The following ZNF334 variants were observed in gnomAD, a reference collection of about 807,000 sequenced individuals.
ZNF334 encodes the protein zinc finger protein 334.
ZNF334 carries 14 observed loss-of-function variants against 12.4 expected under a neutral mutation model. That is an observed-to-expected ratio of 1.13 (90% CI 0.74 to 1.76). The LOEUF is 1.76. Ranked by LOEUF, ZNF334 falls within the 40% of genes most tolerant of loss-of-function variation. The pLI, the probability that ZNF334 is intolerant of heterozygous loss-of-function variation, is 0.00. For missense variants in ZNF334, 797 were observed against 804.5 expected, an observed-to-expected ratio of 0.99 and a Z score of 0.11; for synonymous variants, 273 against 269.6, an observed-to-expected ratio of 1.01 and a Z score of -0.12.
rs542140245 is a variant in ZNF334 at position 46,513,235 on chromosome 20, C to A, written c.-734G>T. The A allele has an allele frequency of 6.6e-6, 1 of 152,384 alleles. No homozygotes were observed. The highest frequency in any genetic ancestry group is 2.4e-5 in the African/African-American group (1 of 41,592). The allele number at this position is 152,384 out of a possible 1,614,324, so 9.4% of individuals were successfully genotyped here. A position where few individuals can be genotyped will look rare whatever the true frequency, so the allele number is the denominator to read the frequency against. ...GCGTAAACCTTTCACCTTCACCAAG[C>A]GCCTTCTTCGGGCAAATCAGGGCCC... is the stretch of plus-strand genomic sequence containing the variant. On this transcript the variant is annotated 5_prime_UTR_variant, in exon 1 of 5. Coordinates refer to ENST00000692313, the MANE Select transcript of ZNF334 (RefSeq NM_001353824.2).
At chr20:46,473,658 AT>A in the ZNF334 span, among the ~76,000 whole-genome samples, 1 of 152,232 alleles carries the variant, frequency 6.6e-6, no homozygotes, top group Non-Finnish European at 1.5e-5. Context: ...AGAACATATT[AT>A]CTAAATACAG....
chr20:46,504,080 A>G (rs1457327602), intron 4 of ZNF334, 134 bp downstream of exon 4: 5 of 492,794 alleles, frequency 1.0e-5, no homozygotes, highest in African/African-American at 2.0e-5. Flanking sequence ...CAGTTAATCA[A>G]CCTCAATCAC....
At chr20:46,487,861 T>A in the ZNF334 span, among the ~76,000 whole-genome samples, 1 of 152,162 alleles carries the variant, frequency 6.6e-6, no homozygotes, top group Non-Finnish European at 1.5e-5. Flanking sequence ...AATCTCCACC[T>A]TTTCGTTGAG....
downstream of ZNF334, among the ~76,000 whole-genome samples, chr20:46,497,532 A>G (rs1037373500): frequency 1.6e-4 from 24 of 152,262 alleles, no homozygotes; most frequent in African/African-American, 5.1e-4. Flanking sequence ...AACTAATTTC[A>G]TTATTGACTG....
the ZNF334 span, among the ~76,000 whole-genome samples, chr20:46,489,682 A>G: frequency 1.1e-4 from 16 of 151,196 alleles, no homozygotes; most frequent in African/African-American, 2.4e-4. Context: ...ATTAAAAACC[A>G]TATCTTCAAA....
chr20:46,502,977 TTAAG>T lies in ZNF334; in HGVS notation c.358_361del (p.Leu120IlefsTer4), dbSNP rs771366722. 1.2e-6 allele frequency: 2 copies of T among 1,614,072 alleles called. No individual in the cohort carries two copies. The highest frequency in any genetic ancestry group is 1.7e-4 in the Middle Eastern group (1 of 6,058). ...TGAGGGAACACTATTCATGCCCAGA[TTAAG>T]TGTTTTCCCAAATACATTCTCTCTT... On this transcript the variant is annotated frameshift_variant, in exon 5 of 5. Coordinates refer to ENST00000692313, the MANE Select transcript of ZNF334 (RefSeq NM_001353824.2). LOFTEE classifies it low-confidence loss of function (END_TRUNC).
the ZNF334 span, among the ~76,000 whole-genome samples, chr20:46,493,813 C>A: frequency 6.6e-6 from 1 of 152,036 alleles, no homozygotes; most frequent in Non-Finnish European, 1.5e-5. Context: ...GCCTTTAATC[C>A]CAGCTACTAG....
At chr20:46,507,908 A>G (rs1396031748) in intron 2 of ZNF334, among the ~76,000 whole-genome samples, 1 of 152,266 alleles carries the variant, frequency 6.6e-6, no homozygotes, top group Non-Finnish European at 1.5e-5. Context: ...TATAGGCACA[A>G]CAATAGACAT....
At chr20:46,466,944 T>C in the ZNF334 span, among the ~76,000 whole-genome samples, 1 of 152,218 alleles carries the variant, frequency 6.6e-6, no homozygotes, top group Non-Finnish European at 1.5e-5. Context: ...TGGAGGCCAC[T>C]CCACACCAAG....
At chr20:46,464,643 A>T in the ZNF334 span, 1 of 423,894 alleles carries the variant, frequency 2.4e-6, no homozygotes, top group South Asian at 1.9e-5. Flanking sequence ...AGATACACAC[A>T]GTTCTACCCA....
chr20:46,504,489 C>T, intron 3 of ZNF334, 125 bp downstream of exon 3: 1 of 1,311,726 alleles, frequency 7.6e-7, no homozygotes, highest in Non-Finnish European at 1.1e-6. Flanking sequence ...CTTCTACTGT[C>T]TAAAAGGGTT....
the ZNF334 span, among the ~76,000 whole-genome samples, chr20:46,468,297 A>G: frequency 6.7e-6 from 1 of 148,676 alleles, no homozygotes. Context: ...TTTTTTTGAG[A>G]CGGAGTCTCG....
chr20:46,490,532 T>C, the ZNF334 span, among the ~76,000 whole-genome samples: 3 of 152,250 alleles, frequency 2.0e-5, no homozygotes, highest in African/African-American at 7.2e-5. Context: ...TTAGGTTCTT[T>C]AAGCTTTTCT....
chr20:46,480,335 C>A, the ZNF334 span, among the ~76,000 whole-genome samples: 1 of 152,114 alleles, frequency 6.6e-6, no homozygotes, highest in Non-Finnish European at 1.5e-5. Flanking sequence ...CTGGGACAAG[C>A]AGCACACACT....
chr20:46,485,714 C>T, the ZNF334 span: 1 of 152,000 alleles, frequency 6.6e-6, no homozygotes, highest in South Asian at 2.1e-4. Context: ...TGATGAATTT[C>T]GGTCTGGAGT....
At chr20:46,482,536 A>G in the ZNF334 span, among the ~76,000 whole-genome samples, 1 of 152,216 alleles carries the variant, frequency 6.6e-6, no homozygotes, top group Non-Finnish European at 1.5e-5. Context: ...TAAGAAATCT[A>G]TCAATGTATG....
At chr20:46,510,492 G>A (rs942980834) in intron 2 of ZNF334, among the ~76,000 whole-genome samples, 3 of 152,182 alleles carry the variant, frequency 2.0e-5, no homozygotes, top group Admixed American at 2.0e-4. Context: ...TAGTGAGGCC[G>A]AGGCAGGAGG....
At chr20:46,508,106 G>A (rs930440280) in intron 2 of ZNF334, among the ~76,000 whole-genome samples, 1 of 152,156 alleles carries the variant, frequency 6.6e-6, no homozygotes, top group Non-Finnish European at 1.5e-5. Context: ...GAAACTGAAA[G>A]GTGCTTATGA....
At chr20:46,486,628 C>T in the ZNF334 span, among the ~76,000 whole-genome samples, 1 of 152,108 alleles carries the variant, frequency 6.6e-6, no homozygotes, top group Non-Finnish European at 1.5e-5. Context: ...GAAAAAAAAT[C>T]CTAAATCTCT....
Sources: allele counts gnomAD v4.1 joint callset (sites outside exome capture counted in the v4.1 genomes callset), GRCh38; gene constraint gnomAD v4.1.1; transcripts MANE v1.5; gene names NCBI Gene and HGNC (gene_info 2026-07-23, HGNC 2026-07-21).